Variants in TENM4 observed in about 807,000 individuals in gnomAD.
TENM4 encodes the protein teneurin transmembrane protein 4.
TENM4 carries 82 observed loss-of-function variants against 243.3 expected under a neutral mutation model. That is an observed-to-expected ratio of 0.34 (90% CI 0.28 to 0.40). The LOEUF (loss-of-function observed/expected upper bound fraction) is 0.40. Among genes scored for constraint, TENM4 ranks in the 10% least tolerant of loss-of-function variants. The pLI is 1.00. For synonymous variants in TENM4, 1,412 were observed against 1,456.3 expected (o/e 0.97, Z 0.69); for missense variants, 3,138 against 3,673.3 (o/e 0.85, Z 3.77).
intron 6 of TENM4, among the ~76,000 whole-genome samples, chr11:78,935,655 A>G (rs2136437411): frequency 6.6e-6 from 1 of 152,344 alleles, no homozygotes; most frequent in South Asian, 2.1e-4. Flanking sequence ...TATCAAATAC[A>G]CATTTAAGAA....
chr11:78,777,963 T>C (rs1856769677), intron 17 of TENM4, among the ~76,000 whole-genome samples: 1 of 152,166 alleles, frequency 6.6e-6, no homozygotes, highest in Non-Finnish European at 1.5e-5. Flanking sequence ...ACTTTGCCTC[T>C]AGGGAACACT....
intron 9 of TENM4, among the ~76,000 whole-genome samples, chr11:78,866,130 T>C (rs1310519085): frequency 6.6e-6 from 1 of 152,252 alleles, no homozygotes; most frequent in Non-Finnish European, 1.5e-5. Context: ...TTAACCTGCC[T>C]GGAAGCAGTG....
At chr11:79,273,837 T>C (rs923932899) in intron 2 of TENM4, among the ~76,000 whole-genome samples, 1 of 152,226 alleles carries the variant, frequency 6.6e-6, no homozygotes, top group Non-Finnish European at 1.5e-5. Context: ...TTAGATTTAA[T>C]GCCAGGAACA....
At chr11:78,673,649 T>C (rs1858391932) in intron 30 of TENM4, among the ~76,000 whole-genome samples, 1 of 152,218 alleles carries the variant, frequency 6.6e-6, no homozygotes. Context: ...AGAGTTGTTG[T>C]GAAGGTTGAA....
At chr11:78,926,404 G>A (rs568427812) in intron 6 of TENM4, among the ~76,000 whole-genome samples, 2 of 151,564 alleles carry the variant, frequency 1.3e-5, no homozygotes, top group Admixed American at 6.6e-5. Context: ...TTCCTAAGTA[G>A]CTGGGATTAC....
chr11:79,090,306 G>A (rs1591274616), intron 4 of TENM4, among the ~76,000 whole-genome samples: 1 of 152,334 alleles, frequency 6.6e-6, no homozygotes, highest in Non-Finnish European at 1.5e-5. Context: ...ATAACAACAG[G>A]CAGTTGAGAA....
intron 6 of TENM4, among the ~76,000 whole-genome samples, chr11:78,986,375 A>C (rs866866990): frequency 1.3e-5 from 2 of 152,200 alleles, no homozygotes; most frequent in South Asian, 4.1e-4. Flanking sequence ...TGTGGTTTTC[A>C]GTACAATCCT....
At chr11:79,309,243 C>G (rs1157819907) in intron 1 of TENM4, among the ~76,000 whole-genome samples, 2 of 152,220 alleles carry the variant, frequency 1.3e-5, no homozygotes, top group African/African-American at 2.4e-5. Context: ...AGCCCCAAAA[C>G]ATATCTATAT....
rs116779974 is a variant in TENM4, at chr11:79,032,625, G to A, written c.493+32113C>T. On this transcript the variant is annotated intron_variant, in intron 6 of 33. Coordinates refer to ENST00000278550, the MANE Select transcript of TENM4 (RefSeq NM_001098816.3). ...CCTTAGACTGACCACTGCTTAGGGA[G>A]CCAGAGCCTACTAGAAGGTTCTGGT... Among the ~76,000 whole-genome samples, 639 of 152,200 alleles carry A rather than the reference G, an allele frequency of 4.2e-3. 7 individuals carry two copies. The highest frequency in any genetic ancestry group is 0.014 in the African/African-American group (583 of 41,474).
At chr11:79,247,109 A>T (rs58665079) in intron 2 of TENM4, among the ~76,000 whole-genome samples, 241 of 151,874 alleles carry the variant, frequency 1.6e-3, no homozygotes, top group African/African-American at 5.7e-3. Context: ...GGACAGATGG[A>T]ATTCAGTGTA....
chr11:79,047,557 G>A (rs1030949223), intron 6 of TENM4, among the ~76,000 whole-genome samples: 6 of 152,210 alleles, frequency 3.9e-5, no homozygotes, highest in Non-Finnish European at 7.3e-5. Context: ...GGTCCTGGAA[G>A]TGCTCTGTCT....
chr11:79,431,426 C>T (rs570214381), intron 1 of TENM4, among the ~76,000 whole-genome samples: 2 of 152,228 alleles, frequency 1.3e-5, no homozygotes, highest in African/African-American at 4.8e-5. Flanking sequence ...CTTAAATTTT[C>T]TCTGCCCATC....
intron 6 of TENM4, among the ~76,000 whole-genome samples, chr11:79,014,385 G>A (rs1408242008): frequency 6.6e-6 from 1 of 152,152 alleles, no homozygotes; most frequent in Admixed American, 6.5e-5. Context: ...CGGAACTTTG[G>A]AATCCATTTA....
chr11:78,758,057 T>C (rs577995653), intron 18 of TENM4, among the ~76,000 whole-genome samples: 1 of 152,268 alleles, frequency 6.6e-6, no homozygotes, highest in African/African-American at 2.4e-5. Flanking sequence ...TTAAAATACA[T>C]AACAAAGAGA....
At chr11:78,927,849 TTC>T (rs56853062) in intron 6 of TENM4, among the ~76,000 whole-genome samples, 19,521 of 149,290 alleles carry the variant, frequency 0.13, 2,682 homozygotes, top group African/African-American at 0.35. Context: ...AAGCATCCTG[TTC>T]TCTCTCTCTC....
At chr11:78,696,444 G>T (rs79164896) in intron 28 of TENM4, among the ~76,000 whole-genome samples, 2,283 of 151,888 alleles carry the variant, frequency 0.015, 57 homozygotes, top group African/African-American at 0.052. Flanking sequence ...TGTACGTTCA[G>T]TTGAAAGCGT....
intron 3 of TENM4, among the ~76,000 whole-genome samples, chr11:79,212,086 G>A (rs1257494542): frequency 6.6e-6 from 1 of 152,222 alleles, no homozygotes; most frequent in Admixed American, 6.5e-5. Flanking sequence ...CAGTCTCTCT[G>A]TGCCTTGGTA....
chr11:79,029,117 C>T (rs1200084428), intron 6 of TENM4, among the ~76,000 whole-genome samples: 3 of 152,178 alleles, frequency 2.0e-5, no homozygotes, highest in Non-Finnish European at 4.4e-5. Context: ...GCCATCGTTA[C>T]CTCTCTGTCA....
At chr11:78,925,945 A>G (rs1304822247) in intron 6 of TENM4, among the ~76,000 whole-genome samples, 3 of 149,904 alleles carry the variant, frequency 2.0e-5, no homozygotes, top group Non-Finnish European at 4.4e-5. Context: ...TTGGCTCAGG[A>G]GGAAAAGAAA....
Sources: gnomAD v4.1 joint callset for allele counts (sites outside exome capture counted in the v4.1 genomes callset) on GRCh38, gnomAD v4.1.1 for gene constraint, MANE v1.5 for transcripts, NCBI Gene and HGNC (gene_info 2026-07-23, HGNC 2026-07-21) for gene names.